The following SNTG1 variants were observed in gnomAD, a reference collection of about 807,000 sequenced individuals.
The protein encoded by SNTG1 is syntrophin gamma 1, also known as gamma-1-syntrophin.
A neutral mutation model predicts 74.7 loss-of-function variants in SNTG1; 39 were observed. The ratio of observed to expected loss-of-function variants is 0.52; its 90% CI spans 0.40 to 0.68. SNTG1 has a LOEUF of 0.68. Ranked by LOEUF, SNTG1 falls within the 30% of genes least tolerant of loss-of-function variation. SNTG1 has a pLI of 0.00. For missense variants in SNTG1, 685 were observed against 609.5 expected, an observed-to-expected ratio of 1.12 and a Z score of -1.30; for synonymous variants, 254 against 217.1, an observed-to-expected ratio of 1.17 and a Z score of -1.49.
chr8:49,960,447 T>C (rs946680286), intron 1 of SNTG1, among the ~76,000 whole-genome samples: 18 of 152,152 alleles, frequency 1.2e-4, no homozygotes, highest in Non-Finnish European at 4.4e-5. Flanking sequence ...ACAGAATTGA[T>C]TGCTAAAAGA....
At chr8:50,192,859 C>T (rs1202063147) in intron 2 of SNTG1, among the ~76,000 whole-genome samples, 4 of 152,036 alleles carry the variant, frequency 2.6e-5, no homozygotes, top group African/African-American at 4.8e-5. Context: ...GTTTCCTTCT[C>T]CTACATGTGG....
intron 15 of SNTG1, among the ~76,000 whole-genome samples, chr8:50,700,446 AC>A (rs1445311057): frequency 6.6e-6 from 1 of 151,956 alleles, no homozygotes; most frequent in Non-Finnish European, 1.5e-5. Context: ...TGATAAAGGA[AC>A]CCCTGCTTTT....
At chr8:50,628,421 C>T (rs1378357477) in intron 13 of SNTG1, among the ~76,000 whole-genome samples, 1 of 151,984 alleles carries the variant, frequency 6.6e-6, no homozygotes, top group Non-Finnish European at 1.5e-5. Flanking sequence ...ATATTTGTTT[C>T]CTGTTAATTG....
intron 15 of SNTG1, among the ~76,000 whole-genome samples, chr8:50,660,674 A>G (rs1242929930): frequency 6.6e-6 from 1 of 152,210 alleles, no homozygotes; most frequent in Admixed American, 6.5e-5. Context: ...CCACTCTCCA[A>G]GTAGCTGCAT....
intron 2 of SNTG1, among the ~76,000 whole-genome samples, chr8:50,212,019 T>C (rs908669111): frequency 2.0e-5 from 3 of 152,164 alleles, no homozygotes; most frequent in African/African-American, 7.2e-5. Context: ...GAAATTTCCA[T>C]AATAATTTTA....
chr8:50,161,831 G>A (rs1211950737), intron 1 of SNTG1, among the ~76,000 whole-genome samples: 1 of 152,068 alleles, frequency 6.6e-6, no homozygotes, highest in South Asian at 2.1e-4. Flanking sequence ...AGGGGCAAAA[G>A]GAAAGACCAC....
chr8:50,380,885 A>G (rs190461167), intron 2 of SNTG1: 14 of 152,316 alleles, frequency 9.2e-5, no homozygotes, highest in Admixed American at 8.5e-4. Flanking sequence ...CAGAGGCCAC[A>G]TCTGATGATG....
At chr8:50,366,763 TA>T (rs1170077486) in intron 2 of SNTG1, among the ~76,000 whole-genome samples, 3 of 146,476 alleles carry the variant, frequency 2.0e-5, no homozygotes, top group Non-Finnish European at 4.5e-5. Context: ...TATAATATAG[TA>T]TTATTTAAGA....
chr8:49,981,718 T>C (rs1396150736), intron 1 of SNTG1, among the ~76,000 whole-genome samples: 2 of 152,200 alleles, frequency 1.3e-5, no homozygotes, highest in East Asian at 1.9e-4. Context: ...TAATCTTTTA[T>C]GCATTTTTTA....
At chr8:50,778,553 T>C (rs1236378555) in intron 18 of SNTG1, among the ~76,000 whole-genome samples, 4 of 152,114 alleles carry the variant, frequency 2.6e-5, no homozygotes, top group African/African-American at 9.7e-5. Flanking sequence ...TGGGGTTGTT[T>C]GTTTCTTTCT....
At chr8:50,579,752 G>T (rs529209466) in intron 12 of SNTG1, among the ~76,000 whole-genome samples, 1 of 152,328 alleles carries the variant, frequency 6.6e-6, no homozygotes, top group Middle Eastern at 3.4e-3. Flanking sequence ...CTTTGAGTGC[G>T]CAGAAAACAA....
intron 15 of SNTG1, among the ~76,000 whole-genome samples, chr8:50,686,035 G>A (rs2095351109): frequency 6.6e-6 from 1 of 152,100 alleles, no homozygotes; most frequent in Non-Finnish European, 1.5e-5. Flanking sequence ...TTTTGTAGTA[G>A]TAGTCTATTT....
intron 2 of SNTG1, among the ~76,000 whole-genome samples, chr8:50,337,501 A>C (rs2091180535): frequency 1.3e-5 from 2 of 152,220 alleles, no homozygotes; most frequent in African/African-American, 4.8e-5. Flanking sequence ...GGAGAAAAGC[A>C]ACCATGTTTA....
intron 2 of SNTG1, among the ~76,000 whole-genome samples, chr8:50,219,172 C>G (rs941747290): frequency 1.3e-5 from 2 of 152,252 alleles, no homozygotes; most frequent in East Asian, 3.9e-4. Context: ...CAATGACAGG[C>G]TGGTTACAAG....
intron 12 of SNTG1, 72 bp from the exon 13 acceptor site, chr8:50,590,807 G>T: frequency 1.1e-6 from 1 of 943,362 alleles, no homozygotes; most frequent in Non-Finnish European, 1.6e-6. Flanking sequence ...AAAATAATCT[G>T]CATAAAATTC....
intron 11 of SNTG1, among the ~76,000 whole-genome samples, chr8:50,546,952 T>C (rs1184381071): frequency 1.3e-5 from 2 of 152,192 alleles, no homozygotes; most frequent in East Asian, 3.9e-4. Context: ...TGGCTAATTT[T>C]TGTGTTTTTT....
At chr8:50,713,923 G>A (rs1438663345) in intron 17 of SNTG1, among the ~76,000 whole-genome samples, 1 of 152,064 alleles carries the variant, frequency 6.6e-6, no homozygotes, top group Non-Finnish European at 1.5e-5. Flanking sequence ...GCTGGATGTG[G>A]TGGCAGGCAC....
At chr8:50,750,658 A>C (rs1273356560) in intron 17 of SNTG1, among the ~76,000 whole-genome samples, 1 of 152,038 alleles carries the variant, frequency 6.6e-6, no homozygotes, top group Non-Finnish European at 1.5e-5. Flanking sequence ...CAGCAAAAGG[A>C]CTACGGCTCA....
At chr8:49,914,570 T>C (rs1004135645) in intron 1 of SNTG1, among the ~76,000 whole-genome samples, 2 of 152,176 alleles carry the variant, frequency 1.3e-5, no homozygotes, top group Non-Finnish European at 1.5e-5. Context: ...GATTAATTTT[T>C]GCATAGACTA....
Sources: allele counts gnomAD v4.1 joint callset (sites outside exome capture counted in the v4.1 genomes callset), GRCh38; gene constraint gnomAD v4.1.1; transcripts MANE v1.5; gene names NCBI Gene and HGNC (gene_info 2026-07-23, HGNC 2026-07-21).